Variants in KAZN observed in about 807,000 individuals in gnomAD.
KAZN encodes the protein kazrin, periplakin interacting protein.
In KAZN, 40 loss-of-function variants were observed where a neutral mutation model predicts 87.4. The observed-to-expected ratio is 0.46, with a 90% confidence interval of 0.36 to 0.60. KAZN has a LOEUF of 0.60. KAZN is among the 20% of genes least tolerant of loss of function. KAZN has a pLI of 0.00. For synonymous variants in KAZN, 466 were observed against 458.3 expected (o/e 1.02, Z -0.22); for missense variants, 898 against 1,073.9 (o/e 0.84, Z 2.29).
At chr1:14,008,259 T>TG (rs746642199) in intron 1 of KAZN, among the ~76,000 whole-genome samples, 29 of 152,158 alleles carry the variant, frequency 1.9e-4, no homozygotes, top group Non-Finnish European at 3.2e-4. Flanking sequence ...CAATTTCACA[T>TG]GCAATAGTAC....
intron 2 of KAZN, among the ~76,000 whole-genome samples, chr1:14,521,995 C>A (rs903162915): frequency 6.6e-6 from 1 of 152,088 alleles, no homozygotes; most frequent in Non-Finnish European, 1.5e-5. Flanking sequence ...AATATACATC[C>A]AAATGTGTGT....
chr1:14,896,578 G>A (rs913587332), intron 1 of KAZN, among the ~76,000 whole-genome samples: 3 of 152,196 alleles, frequency 2.0e-5, no homozygotes, highest in Admixed American at 1.3e-4. Context: ...TGACTCATCA[G>A]TAGAGAATGG....
chr1:14,007,020 A>G (rs2884823), intron 1 of KAZN, among the ~76,000 whole-genome samples: 78,008 of 151,908 alleles, frequency 0.51, 20,443 homozygotes, highest in Admixed American at 0.62. Context: ...TCAATGTTTT[A>G]TTGTTTTCAG....
intron 2 of KAZN, among the ~76,000 whole-genome samples, chr1:14,311,920 A>G (rs1194048190): frequency 6.6e-6 from 1 of 152,192 alleles, no homozygotes; most frequent in Admixed American, 6.5e-5. Flanking sequence ...GAACTTCAGG[A>G]AAGTAAATGC....
At chr1:14,296,997 CAT>C (rs1491578794) in intron 2 of KAZN, among the ~76,000 whole-genome samples, 6 of 152,198 alleles carry the variant, frequency 3.9e-5, no homozygotes, top group African/African-American at 1.2e-4. Context: ...TGCATATGTG[CAT>C]GTGTGTGTGT....
At chr1:14,345,268 A>G (rs1321566475) in intron 2 of KAZN, among the ~76,000 whole-genome samples, 1 of 152,206 alleles carries the variant, frequency 6.6e-6, no homozygotes. Flanking sequence ...ACCAGTGGTT[A>G]TCAAACTTTA....
intron 2 of KAZN, among the ~76,000 whole-genome samples, chr1:14,550,535 AT>A (rs1673433656): frequency 6.6e-6 from 1 of 151,766 alleles, no homozygotes; most frequent in Non-Finnish European, 1.5e-5. Context: ...ATTTTCTATT[AT>A]TTTCTTTCTT....
intron 2 of KAZN, among the ~76,000 whole-genome samples, chr1:14,328,081 A>C (rs1253168514): frequency 2.6e-5 from 4 of 152,202 alleles, no homozygotes; most frequent in Non-Finnish European, 5.9e-5. Context: ...TTCACCCACT[A>C]TAGACCAGGC....
chr1:14,862,570 G>A (rs915076355), intron 1 of KAZN, among the ~76,000 whole-genome samples: 9 of 152,130 alleles, frequency 5.9e-5, no homozygotes, highest in African/African-American at 1.2e-4. Flanking sequence ...TGACAGCAGC[G>A]AAAATCAGCA....
intron 2 of KAZN, among the ~76,000 whole-genome samples, chr1:14,388,907 T>C (rs1444984008): frequency 1.3e-5 from 2 of 151,936 alleles, no homozygotes; most frequent in African/African-American, 4.8e-5. Context: ...ACAAAGTGAA[T>C]AGAAAACCCA....
intron 2 of KAZN, among the ~76,000 whole-genome samples, chr1:14,250,115 A>G (rs1410408669): frequency 2.0e-5 from 3 of 152,164 alleles, no homozygotes; most frequent in South Asian, 2.1e-4. Flanking sequence ...CTGTTAATAA[A>G]TATTTCTGAA....
intron 4 of KAZN, among the ~76,000 whole-genome samples, chr1:15,047,179 G>C (rs746149017): frequency 6.6e-6 from 1 of 152,220 alleles, no homozygotes; most frequent in Non-Finnish European, 1.5e-5. Flanking sequence ...GAGGCAGAGA[G>C]AAGGGGCTTC....
At chr1:14,425,063 A>G (rs549217785) in intron 2 of KAZN, among the ~76,000 whole-genome samples, 1 of 152,342 alleles carries the variant, frequency 6.6e-6, no homozygotes, top group South Asian at 2.1e-4. Flanking sequence ...TCTGGGGCTC[A>G]CTGAAGTTGC....
intron 1 of KAZN, among the ~76,000 whole-genome samples, chr1:14,771,882 A>G (rs1645028928): frequency 6.6e-6 from 1 of 152,116 alleles, no homozygotes; most frequent in Non-Finnish European, 1.5e-5. Flanking sequence ...ACTGCCCCAA[A>G]CTCCTGTAAA....
chr1:14,793,718 T>G (rs530046617), intron 1 of KAZN, among the ~76,000 whole-genome samples: 1 of 151,148 alleles, frequency 6.6e-6, no homozygotes, highest in African/African-American at 2.5e-5. Context: ...AGGGCCTAGT[T>G]TGTATTTGGA....
At chr1:14,946,620 G>C (rs1661831310) in intron 1 of KAZN, among the ~76,000 whole-genome samples, 2 of 152,146 alleles carry the variant, frequency 1.3e-5, no homozygotes, top group Admixed American at 6.5e-5. Flanking sequence ...GAAGATGTGT[G>C]AACTGCAGGC....
intron 1 of KAZN, among the ~76,000 whole-genome samples, chr1:14,655,615 G>T (rs974845718): frequency 6.6e-6 from 1 of 152,204 alleles, no homozygotes; most frequent in African/African-American, 2.4e-5. Flanking sequence ...CTTAGCTGCT[G>T]CGACAGATAT....
intron 2 of KAZN, among the ~76,000 whole-genome samples, chr1:14,508,444 A>G (rs1670725608): frequency 6.6e-6 from 1 of 152,224 alleles, no homozygotes; most frequent in African/African-American, 2.4e-5. Flanking sequence ...ACGTTGCCAC[A>G]CCAAAGTTAA....
intron 1 of KAZN, among the ~76,000 whole-genome samples, chr1:14,003,473 C>G (rs945932059): frequency 4.6e-5 from 7 of 151,836 alleles, no homozygotes; most frequent in Non-Finnish European, 1.0e-4. Flanking sequence ...ACTTAGACTA[C>G]TAGATACCAA....
Sources: gnomAD v4.1 joint callset for allele counts (sites outside exome capture counted in the v4.1 genomes callset) on GRCh38, gnomAD v4.1.1 for gene constraint, MANE v1.5 for transcripts, NCBI Gene and HGNC (gene_info 2026-07-23, HGNC 2026-07-21) for gene names.